The following RPS6KC1 variants were observed in gnomAD, a reference collection of about 807,000 sequenced individuals.
RPS6KC1 encodes the protein ribosomal protein S6 kinase C1, also known as inactive ribosomal protein S6 kinase delta-1.
A neutral mutation model predicts 103.8 loss-of-function variants in RPS6KC1; 54 were observed. The observed-to-expected ratio is 0.52, with a 90% CI of 0.42 to 0.65. The LOEUF is 0.65. Among genes scored for constraint, RPS6KC1 ranks in the 30% least tolerant of loss-of-function variants. The probability of loss-of-function intolerance (pLI) is 0.00; values close to 1 mark genes in which losing one functional copy is unlikely to be tolerated. For missense variants in RPS6KC1, 1,151 were observed against 1,253.8 expected, an observed-to-expected ratio of 0.92 and a Z score of 1.24; for synonymous variants, 439 against 438.7, an observed-to-expected ratio of 1.00 and a Z score of -0.01.
chr1:213,280,496 T>C, the RPS6KC1 span, among the ~76,000 whole-genome samples: 1 of 152,172 alleles, frequency 6.6e-6, no homozygotes, highest in Non-Finnish European at 1.5e-5. Flanking sequence ...AAAACCAAGT[T>C]TGGGAAAGAT....
chr1:213,401,376 C>T, the RPS6KC1 span, among the ~76,000 whole-genome samples: 2 of 152,312 alleles, frequency 1.3e-5, no homozygotes, highest in Non-Finnish European at 2.9e-5. Context: ...AAAGCCAGGT[C>T]TGTCTGCCAC....
chr1:213,611,310 T>C, the RPS6KC1 span, among the ~76,000 whole-genome samples: 4 of 152,174 alleles, frequency 2.6e-5, no homozygotes, highest in Non-Finnish European at 4.4e-5. Context: ...GTCTTCTTCT[T>C]GGGACCGAGC....
the RPS6KC1 span, among the ~76,000 whole-genome samples, chr1:213,380,836 C>T: frequency 1.3e-5 from 2 of 152,164 alleles, no homozygotes; most frequent in East Asian, 3.8e-4. Context: ...GAGCGTCTGT[C>T]CACCTCTCTC....
At chr1:213,669,394 A>G in the RPS6KC1 span, among the ~76,000 whole-genome samples, 11 of 152,264 alleles carry the variant, frequency 7.2e-5, no homozygotes, top group Middle Eastern at 3.4e-3. Flanking sequence ...GTCGCAACAC[A>G]CACGTTTATT....
chr1:213,726,153 T>C, the RPS6KC1 span, among the ~76,000 whole-genome samples: 1 of 152,212 alleles, frequency 6.6e-6, no homozygotes, highest in Non-Finnish European at 1.5e-5. Flanking sequence ...GACACAATTA[T>C]AGCTCACTGC....
At chr1:213,787,298 T>TA in the RPS6KC1 span, among the ~76,000 whole-genome samples, 20 of 150,364 alleles carry the variant, frequency 1.3e-4, no homozygotes, top group East Asian at 5.9e-4. Flanking sequence ...GAGTAAGTAC[T>TA]AAAAAAAAAT....
the RPS6KC1 span, among the ~76,000 whole-genome samples, chr1:213,512,884 T>C: frequency 6.6e-6 from 1 of 152,324 alleles, no homozygotes; most frequent in Non-Finnish European, 1.5e-5. Context: ...TGCCCAAACC[T>C]GGAGGGGTGG....
the RPS6KC1 span, among the ~76,000 whole-genome samples, chr1:213,541,892 G>A: frequency 2.0e-5 from 3 of 152,182 alleles, no homozygotes; most frequent in Non-Finnish European, 4.4e-5. Context: ...AAATTTGCCA[G>A]GTGGAGCAGG....
chr1:213,368,305 C>T, the RPS6KC1 span, among the ~76,000 whole-genome samples: 8 of 146,588 alleles, frequency 5.5e-5, no homozygotes, highest in East Asian at 1.9e-4. Flanking sequence ...TAGGGGTTTC[C>T]GCAGAAGGGT....
rs530635652 is a variant in RPS6KC1, at chr1:213,177,550, G to A, written c.1044+1058G>A. 2.0e-5 allele frequency among the ~76,000 whole-genome samples: 3 copies of A among 152,262 alleles called. No homozygotes were observed. The East Asian group carries it at 5.8e-4, about 29-fold the overall frequency. ...TTACATAAAGCTGTCGGTGTCTTAA[G>A]TTCTGGCAAGGATCATTTTTCTCAA... On this transcript the variant is annotated intron_variant, in intron 8 of 14. Coordinates refer to ENST00000366960, the MANE Select transcript of RPS6KC1 (RefSeq NM_012424.6).
At chr1:213,280,846 T>A in the RPS6KC1 span, among the ~76,000 whole-genome samples, 3 of 152,190 alleles carry the variant, frequency 2.0e-5, no homozygotes, top group Non-Finnish European at 4.4e-5. Context: ...CAGGTGGGAT[T>A]TCAGAGTCAG....
chr1:213,800,750 T>G, the RPS6KC1 span, among the ~76,000 whole-genome samples: 3 of 152,216 alleles, frequency 2.0e-5, no homozygotes, highest in African/African-American at 7.2e-5. Context: ...TCTTCATTTT[T>G]TCTTTTATTT....
intron 5 of RPS6KC1, among the ~76,000 whole-genome samples, chr1:213,124,506 A>G (rs1462179200): frequency 6.6e-6 from 1 of 152,120 alleles, no homozygotes; most frequent in Non-Finnish European, 1.5e-5. Flanking sequence ...GTTTCGTATG[A>G]TATTTATATA....
chr1:213,152,460 G>A (rs1376333541), intron 6 of RPS6KC1, among the ~76,000 whole-genome samples: 9 of 150,048 alleles, frequency 6.0e-5, no homozygotes, highest in South Asian at 4.2e-4. Context: ...GCTGCCGGGC[G>A]GAGGGGCTCC....
the RPS6KC1 span, among the ~76,000 whole-genome samples, chr1:213,857,126 T>C: frequency 4.6e-5 from 7 of 152,284 alleles, no homozygotes; most frequent in East Asian, 1.4e-3. Context: ...TTGTTGACTT[T>C]TTACCAAATT....
chr1:213,053,632 A>G (rs926956405), intron 1 of RPS6KC1, among the ~76,000 whole-genome samples: 5 of 152,226 alleles, frequency 3.3e-5, no homozygotes, highest in South Asian at 2.1e-4. Flanking sequence ...TTCTGGATCA[A>G]GAGATTGGGG....
At chr1:213,440,574 G>T in the RPS6KC1 span, among the ~76,000 whole-genome samples, 8 of 140,554 alleles carry the variant, frequency 5.7e-5, no homozygotes, top group Non-Finnish European at 1.2e-4. Context: ...ACAACTTTAG[G>T]TGTACATATT....
chr1:213,059,955 G>A (rs2077683945), intron 1 of RPS6KC1, among the ~76,000 whole-genome samples: 1 of 152,076 alleles, frequency 6.6e-6, no homozygotes, highest in African/African-American at 2.4e-5. Flanking sequence ...ACAGGCGTGA[G>A]CCACTGCGCC....
the RPS6KC1 span, among the ~76,000 whole-genome samples, chr1:213,609,451 G>C: frequency 6.6e-6 from 1 of 152,100 alleles, no homozygotes; most frequent in African/African-American, 2.4e-5. Flanking sequence ...TACCAGCTTT[G>C]TCCACACCCG....
Sources: gnomAD v4.1 joint callset for allele counts (sites outside exome capture counted in the v4.1 genomes callset) on GRCh38, gnomAD v4.1.1 for gene constraint, MANE v1.5 for transcripts, NCBI Gene and HGNC (gene_info 2026-07-23, HGNC 2026-07-21) for gene names.